Variants in ARL15 observed in about 807,000 individuals in gnomAD.
ARL15 encodes ADP-ribosylation factor-like protein 15.
A neutral mutation model predicts 25.2 loss-of-function variants in ARL15; 19 were observed. The observed-to-expected ratio is 0.75, with a 90% CI of 0.53 to 1.10. ARL15 has a LOEUF of 1.10. Ranked by LOEUF, ARL15 falls within the 50% of genes least tolerant of loss-of-function variation. The pLI is 0.00. For synonymous variants in ARL15, 94 were observed against 86.8 expected, an observed-to-expected ratio of 1.08 and a Z score of -0.46; for missense variants, 220 against 246.0, an observed-to-expected ratio of 0.89 and a Z score of 0.71.
At chr5:53,936,275 C>T (rs1746346378) in intron 4 of ARL15, among the ~76,000 whole-genome samples, 1 of 152,110 alleles carries the variant, frequency 6.6e-6, no homozygotes, top group South Asian at 2.1e-4. Context: ...GTTTTTTGTG[C>T]ATTTATCCTC....
intron 1 of ARL15, among the ~76,000 whole-genome samples, chr5:54,244,769 A>T (rs940895857): frequency 1.3e-5 from 2 of 150,464 alleles, no homozygotes; most frequent in Non-Finnish European, 3.0e-5. Flanking sequence ...CTAATTCCAC[A>T]CATTACGTAA....
intron 4 of ARL15, among the ~76,000 whole-genome samples, chr5:54,109,938 G>A (rs924575118): frequency 3.3e-5 from 5 of 151,708 alleles, no homozygotes; most frequent in African/African-American, 1.2e-4. Flanking sequence ...TGTTGTTGTT[G>A]TTTTTTTAAG....
chr5:53,984,738 C>A (rs896983575), intron 4 of ARL15, among the ~76,000 whole-genome samples: 5 of 151,658 alleles, frequency 3.3e-5, no homozygotes, highest in African/African-American at 1.2e-4. Context: ...ATATTTTTTT[C>A]TTTGCTAAGG....
chr5:54,079,368 G>T (rs1751716631), intron 4 of ARL15, among the ~76,000 whole-genome samples: 1 of 152,114 alleles, frequency 6.6e-6, no homozygotes, highest in Admixed American at 6.5e-5. Flanking sequence ...GATCTTAACA[G>T]AAACAAGTAA....
chr5:54,308,183 G>GT (rs1758810592), intron 1 of ARL15, among the ~76,000 whole-genome samples: 1 of 152,278 alleles, frequency 6.6e-6, no homozygotes, highest in African/African-American at 2.4e-5. Flanking sequence ...GGGAGGGCTA[G>GT]TTTTTTGTTT....
At chr5:53,905,322 C>T (rs1745216623) in intron 4 of ARL15, among the ~76,000 whole-genome samples, 1 of 152,176 alleles carries the variant, frequency 6.6e-6, no homozygotes, top group South Asian at 2.1e-4. Flanking sequence ...CGCTCATGTG[C>T]ACACCCCCAC....
At chr5:54,084,485 A>C (rs1751900330) in intron 4 of ARL15, among the ~76,000 whole-genome samples, 1 of 151,316 alleles carries the variant, frequency 6.6e-6, no homozygotes, top group African/African-American at 2.4e-5. Context: ...TTTTTAAGGG[A>C]AAAAGCACAA....
rs75688286 is a variant in ARL15, at chr5:54,309,686, A to C, written c.48+746T>G. ...TGGAACAAAACATGGTGCTCGCATA[A>C]TTCCACAAAGACACATAGAAGTCCA... On this transcript the variant is annotated intron_variant, in intron 1 of 4. Coordinates refer to ENST00000504924, the MANE Select transcript of ARL15 (RefSeq NM_019087.3). Among the ~76,000 whole-genome samples, 425 of 152,360 alleles carry C rather than the reference A, an allele frequency of 2.8e-3. 1 individual carries two copies. Among genetic ancestry groups the C allele is most frequent in the African/African-American group, 9.4e-3 (389 of 41,584 alleles).
chr5:53,957,515 A>G (rs562515294), intron 4 of ARL15, among the ~76,000 whole-genome samples: 3 of 152,264 alleles, frequency 2.0e-5, no homozygotes, highest in African/African-American at 7.2e-5. Flanking sequence ...CAAAGCTATA[A>G]CAAAGACATA....
chr5:53,898,370 A>G (rs1744940668), intron 4 of ARL15, among the ~76,000 whole-genome samples: 1 of 152,166 alleles, frequency 6.6e-6, no homozygotes, highest in Admixed American at 6.5e-5. Context: ...ACTTTTTGGA[A>G]TGGTTTGAGA....
intron 4 of ARL15, among the ~76,000 whole-genome samples, chr5:53,975,614 C>T (rs962978590): frequency 2.0e-5 from 3 of 152,236 alleles, no homozygotes; most frequent in African/African-American, 7.2e-5. Flanking sequence ...TGGAAAGATA[C>T]TAGGAGCATC....
At chr5:53,966,522 C>A (rs1747571513) in intron 4 of ARL15, among the ~76,000 whole-genome samples, 1 of 152,178 alleles carries the variant, frequency 6.6e-6, no homozygotes, top group Non-Finnish European at 1.5e-5. Context: ...ATTCTTGAGA[C>A]CTGGACTTGC....
chr5:54,273,766 C>T (rs140485940), intron 1 of ARL15, among the ~76,000 whole-genome samples: 1 of 152,302 alleles, frequency 6.6e-6, no homozygotes, highest in African/African-American at 2.4e-5. Context: ...CACTGCTCAA[C>T]ACTTAATAAG....
intron 4 of ARL15, among the ~76,000 whole-genome samples, chr5:54,004,996 T>C (rs1166236130): frequency 6.6e-6 from 1 of 151,488 alleles, no homozygotes; most frequent in Non-Finnish European, 1.5e-5. Flanking sequence ...GTTTTCTTTT[T>C]CTTTTTTCTT....
chr5:54,310,305 C>T lies in ARL15; in HGVS notation c.48+127G>A, dbSNP rs1580000808. The T allele has an allele frequency of 7.4e-6, 8 of 1,083,976 alleles. No homozygotes were observed. In the African/African-American group the frequency reaches 8.0e-5, roughly 11 times the overall value. 67.1% of individuals were successfully genotyped at this position (1,083,976 alleles called of 1,614,324 possible). ...CAGGGAAAGGCTTACCAGCCGGCTG[C>T]GGGAGAAAGAACCCCAGAGGCATCC... On this transcript the variant is annotated intron_variant, in intron 1 of 4. Coordinates refer to ENST00000504924, the MANE Select transcript of ARL15 (RefSeq NM_019087.3).
rs139403752 is a variant in ARL15, at chr5:53,892,297, T to C, written c.463-5584A>G. On this transcript the variant is annotated intron_variant, in intron 4 of 4. Coordinates refer to ENST00000504924, the MANE Select transcript of ARL15 (RefSeq NM_019087.3). The stretch of plus-strand genomic sequence containing the variant: ...ATGAAGGAGTCTAGGTTGACAACTT[T>C]AGCTCCTTCAAACTGATGGGGATAG... Among the ~76,000 whole-genome samples, 205 of 152,338 alleles carry C rather than the reference T, an allele frequency of 1.3e-3. 1 individual carries two copies. The highest frequency in any genetic ancestry group is 4.5e-3 in the African/African-American group (187 of 41,588).
chr5:53,890,343 G>A (rs990726533), intron 4 of ARL15, among the ~76,000 whole-genome samples: 1 of 152,054 alleles, frequency 6.6e-6, no homozygotes. Context: ...AACTGCCTGT[G>A]ATGCAATGAT....
At chr5:54,191,576 G>A (rs1755402425) in intron 1 of ARL15, among the ~76,000 whole-genome samples, 1 of 152,034 alleles carries the variant, frequency 6.6e-6, no homozygotes, top group South Asian at 2.1e-4. Context: ...GTTAACAACA[G>A]CTCCATTTTT....
chr5:54,225,012 C>T (rs904900264), intron 1 of ARL15, among the ~76,000 whole-genome samples: 12 of 152,186 alleles, frequency 7.9e-5, no homozygotes, highest in Admixed American at 7.2e-4. Flanking sequence ...CTAATAGTTA[C>T]ATAGGTGAAT....
Sources: gnomAD v4.1 joint callset for allele counts (sites outside exome capture counted in the v4.1 genomes callset) on GRCh38, gnomAD v4.1.1 for gene constraint, MANE v1.5 for transcripts, NCBI Gene and HGNC (gene_info 2026-07-23, HGNC 2026-07-21) for gene names.